Variants in CECR2 observed in about 807,000 individuals in gnomAD.
CECR2 encodes the protein CECR2 histone acetyl-lysine reader, also known as chromatin remodeling regulator CECR2.
CECR2 carries 30 observed loss-of-function variants against 154.5 expected under a neutral mutation model. The observed-to-expected ratio is 0.19, with a 90% confidence interval of 0.15 to 0.26. CECR2 has a LOEUF of 0.26. Ranked by LOEUF, CECR2 falls within the 10% of genes least tolerant of loss-of-function variation. The pLI is 1.00. For synonymous variants in CECR2, 725 were observed against 683.7 expected, an observed-to-expected ratio of 1.06 and a Z score of -0.94; for missense variants, 1,743 against 1,829.3, an observed-to-expected ratio of 0.95 and a Z score of 0.86.
At chr22:17,482,143 G>T (rs1328670791) in intron 2 of CECR2, among the ~76,000 whole-genome samples, 1 of 79,988 alleles carries the variant, frequency 1.3e-5, no homozygotes, top group Non-Finnish European at 3.0e-5. Flanking sequence ...AAAAAAAAAG[G>T]GCGTGGCATG....
intron 1 of CECR2, among the ~76,000 whole-genome samples, chr22:17,405,697 C>T (rs1007637115): frequency 1.5e-4 from 23 of 149,476 alleles, no homozygotes; most frequent in Admixed American, 7.4e-4. Flanking sequence ...TTAGAAATAG[C>T]GTTGAGTTAT....
intron 1 of CECR2, among the ~76,000 whole-genome samples, chr22:17,445,865 C>T (rs1188350844): frequency 2.0e-5 from 3 of 152,060 alleles, no homozygotes; most frequent in Non-Finnish European, 4.4e-5. Context: ...AGTGCTGGGA[C>T]CCTGCACCTG....
At chr22:17,444,487 C>CGTG (rs1234663309) in intron 1 of CECR2, among the ~76,000 whole-genome samples, 1 of 151,992 alleles carries the variant, frequency 6.6e-6, no homozygotes, top group East Asian at 1.9e-4. Context: ...TATTAGGCGA[C>CGTG]GTGGTGGTGC....
rs2063097651 is a variant in CECR2 at position 17,374,655 on chromosome 22, G to A, written c.126+4746G>A. Among the ~76,000 whole-genome samples, 6 of 152,308 alleles carry A rather than the reference G, an allele frequency of 3.9e-5. No individual in the cohort carries two copies. In the South Asian group the frequency reaches 1.2e-3, roughly 32 times the overall value. On this transcript the variant is annotated intron_variant, in intron 1 of 18. Transcript: ENST00000262608. Reference sequence around the variant, plus strand: ...CAAGATGTGCCGCACTAGGAGTTAGGAAACTTGTATTCTGATTGTGCTGCT... The same window carrying A: ...CAAGATGTGCCGCACTAGGAGTTAGAAAACTTGTATTCTGATTGTGCTGCT...
chr22:17,513,993 A>G (rs1377783997), intron 8 of CECR2, among the ~76,000 whole-genome samples: 1 of 152,224 alleles, frequency 6.6e-6, no homozygotes, highest in Non-Finnish European at 1.5e-5. Flanking sequence ...AAACCACAGT[A>G]TTACAGAGAC....
intron 2 of CECR2, among the ~76,000 whole-genome samples, chr22:17,497,091 T>G (rs1234835435): frequency 6.6e-6 from 1 of 152,072 alleles, no homozygotes; most frequent in Non-Finnish European, 1.5e-5. Context: ...CCTGGGAGCT[T>G]GAGAACAGCC....
chr22:17,483,281 G>T (rs984016477), intron 2 of CECR2, among the ~76,000 whole-genome samples: 3 of 152,094 alleles, frequency 2.0e-5, no homozygotes, highest in Non-Finnish European at 4.4e-5. Flanking sequence ...AAAGAAGGCC[G>T]CCACACAGTG....
At chr22:17,499,354 T>C in intron 3 of CECR2, 56 bp from the exon 4 acceptor site, 6 of 1,573,262 alleles carry the variant, frequency 3.8e-6, no homozygotes, top group Non-Finnish European at 5.2e-6. Flanking sequence ...TTCTGGTTTT[T>C]TCCTGGTGCG....
chr22:17,372,600 G>A (rs779687113), intron 1 of CECR2, among the ~76,000 whole-genome samples: 4 of 152,088 alleles, frequency 2.6e-5, no homozygotes, highest in Non-Finnish European at 4.4e-5. Context: ...CCCGGTAGGC[G>A]GAGGTGGCAG....
Position 17,548,447 on chromosome 22 carries a change from G to C in CECR2, c.3160G>C (p.Glu1054Gln). The change falls in exon 17 of 19, where the codon GAG (glutamate) becomes CAG (glutamine). Residue 1054 changes from glutamate (E) to glutamine (Q), a missense_variant. Transcript: ENST00000262608. ...GGTGGCAGACAGGGGCGCTCTATCCGAGAACGGAGTCATTGGGGAAGCATC... is the reference window on the plus strand; with the variant it reads ...GGTGGCAGACAGGGGCGCTCTATCCCAGAACGGAGTCATTGGGGAAGCATC... ...STVADRGALS[E>Q]NGVIGEASPC... 1 of 1,614,032 alleles carries C rather than the reference G, an allele frequency of 6.2e-7. No homozygotes were observed. Among genetic ancestry groups the C allele is most frequent in the Non-Finnish European group, 8.5e-7 (1 of 1,179,894 alleles).
At chr22:17,418,270 G>A (rs533863244) in intron 1 of CECR2, among the ~76,000 whole-genome samples, 2 of 152,238 alleles carry the variant, frequency 1.3e-5, no homozygotes, top group East Asian at 1.9e-4. Flanking sequence ...AACATATGCC[G>A]TTTTACTTGT....
chr22:17,418,616 T>C (rs192411844), intron 1 of CECR2: 1 of 179,102 alleles, frequency 5.6e-6, no homozygotes, highest in Non-Finnish European at 1.3e-5. Context: ...CCAGATGAGC[T>C]ATATAAAAAT....
In CECR2 at chr22:17,552,052, G is replaced by T. The variant is rs368452369; in HGVS notation, c.4299G>T (p.Gln1433His). The change falls in exon 18 of 19, where the codon CAG becomes CAT. Residue 1433 changes from glutamine to histidine, a missense_variant. Physicochemically the swap from Gln to His is conservative, Grantham distance 24. Around this residue, in one of 4 missense-constraint regions of CECR2, gnomAD observed 1,250 missense variants for 1,192.1 expected, o/e 1.05. Transcript: ENST00000262608. Reference sequence around the variant, plus strand: ...GTAGAATGCAGATGCACCCGGTCCAGTCGCAGGCCTCGTTCCCAAAGACCC... The same window carrying T: ...GTAGAATGCAGATGCACCCGGTCCATTCGCAGGCCTCGTTCCCAAAGACCC... ...RPSGMQMHPV[Q>H]SQASFPKTPT... 1.2e-6 allele frequency: 2 copies of T among 1,613,880 alleles called. No individual in the cohort carries two copies.
In CECR2 at chr22:17,548,888, C is replaced by G; in HGVS notation, c.3601C>G (p.Pro1201Ala). The change falls in exon 17 of 19, where the codon CCT becomes GCT. Residue 1201 changes from proline (P) to alanine (A), a missense_variant. By Grantham distance (27) the Pro-to-Ala change is conservative. Transcript: ENST00000262608. ...TTCCTACCACCACTATCAGCGAACT[C>G]CTTACTATGCCTGTCCACAGAGCTT... ...QPSYHHYQRT[P>A]YYACPQSFSD... 6.2e-7 allele frequency: 1 copy of G among 1,613,086 alleles called. No homozygotes were observed.
chr22:17,416,255 C>T (rs990142540), intron 1 of CECR2, among the ~76,000 whole-genome samples: 3 of 152,092 alleles, frequency 2.0e-5, no homozygotes, highest in Non-Finnish European at 2.9e-5. Flanking sequence ...TTATCACTTC[C>T]TTAAAATGAT....
intron 2 of CECR2, among the ~76,000 whole-genome samples, chr22:17,483,328 G>A (rs2055361738): frequency 6.6e-6 from 1 of 152,234 alleles, no homozygotes; most frequent in Non-Finnish European, 1.5e-5. Flanking sequence ...GGGAGGATGA[G>A]GTGAGAGGAC....
rs781596070 is a variant in CECR2 at position 17,497,378 on chromosome 22, T to C, written c.222-25T>C. On this transcript the variant is annotated intron_variant, in intron 2 of 18. Transcript: ENST00000262608. ...CAACCTATATTTTATATTAATGTAT[T>C]TTTGTGTTTGGGGCCCTGGTCTAGG... 15 of 1,591,914 alleles carry C rather than the reference T, an allele frequency of 9.4e-6. No individual in the cohort carries two copies. In the Admixed American group the frequency reaches 2.7e-4, roughly 29 times the overall value.
intron 1 of CECR2, among the ~76,000 whole-genome samples, chr22:17,469,168 T>C (rs371014910): frequency 6.6e-6 from 1 of 151,978 alleles, no homozygotes; most frequent in African/African-American, 2.4e-5. Context: ...CAGCATCTTA[T>C]GGACCTGTGA....
chr22:17,446,571 G>T (rs1412490822), intron 1 of CECR2, among the ~76,000 whole-genome samples: 1 of 151,554 alleles, frequency 6.6e-6, no homozygotes, highest in African/African-American at 2.4e-5. Flanking sequence ...CAAAAAATTA[G>T]CCGGGTGTGG....
Sources: gnomAD v4.1 joint callset for allele counts (sites outside exome capture counted in the v4.1 genomes callset) on GRCh38, gnomAD v4.1.1 for gene constraint, gnomAD v4.1.1 regional missense constraint, MANE v1.5 for transcripts, NCBI Gene and HGNC (gene_info 2026-07-23, HGNC 2026-07-21) for gene names.